Variants in CCDC7 observed in about 807,000 individuals in gnomAD.
CCDC7 encodes the protein coiled-coil domain-containing protein 7.
In CCDC7, 183 loss-of-function variants were observed where a neutral mutation model predicts 196.9. The observed-to-expected ratio is 0.93, with a 90% confidence interval of 0.82 to 1.05. CCDC7 has a LOEUF of 1.05. Among genes scored for constraint, CCDC7 ranks in the 50% least tolerant of loss-of-function variants. The probability of loss-of-function intolerance (pLI) is 0.00; values close to 1 mark genes in which losing one functional copy is unlikely to be tolerated. For synonymous variants in CCDC7, 525 were observed against 484.6 expected (o/e 1.08, Z -1.10); for missense variants, 1,540 against 1,482.2 (o/e 1.04, Z -0.64).
intron 21 of CCDC7, among the ~76,000 whole-genome samples, chr10:32,673,654 CGTGTGTGTGTGTGT>C (rs71027102): frequency 6.8e-6 from 1 of 147,948 alleles, no homozygotes; most frequent in East Asian, 2.0e-4. Context: ...CCATTGTGCA[CGTGTGTGTGTGTGT>C]GTGTGTGTGT....
chr10:32,529,620 T>C (rs1007210678), intron 11 of CCDC7, among the ~76,000 whole-genome samples: 3 of 152,200 alleles, frequency 2.0e-5, no homozygotes, highest in African/African-American at 7.2e-5. Context: ...GTGGGATTAC[T>C]TGTTTTGTTC....
intron 31 of CCDC7, among the ~76,000 whole-genome samples, chr10:32,819,387 A>C (rs563310947): frequency 6.6e-5 from 10 of 152,294 alleles, no homozygotes; most frequent in African/African-American, 2.4e-4. Context: ...CCCAGAGGTA[A>C]AAGGTGGAGC....
intron 18 of CCDC7, among the ~76,000 whole-genome samples, chr10:32,592,911 G>A (rs2059922138): frequency 6.6e-6 from 1 of 152,090 alleles, no homozygotes. Flanking sequence ...AGTATTCCGT[G>A]GTGTATATGT....
At chr10:32,870,982 C>T (rs9417088) in intron 41 of CCDC7, among the ~76,000 whole-genome samples, 52,164 of 152,024 alleles carry the variant, frequency 0.34, 11,335 homozygotes, top group Non-Finnish European at 0.49. Flanking sequence ...TGATGTGCTG[C>T]TGGATTCGGT....
intron 16 of CCDC7, among the ~76,000 whole-genome samples, chr10:32,576,405 G>T (rs1003546884): frequency 6.6e-6 from 1 of 152,016 alleles, no homozygotes; most frequent in Admixed American, 6.5e-5. Context: ...ATGGTAAGAG[G>T]GGCCCTTGCT....
chr10:32,751,326 T>C (rs1157664003), intron 28 of CCDC7, among the ~76,000 whole-genome samples: 1 of 152,056 alleles, frequency 6.6e-6, no homozygotes, highest in Non-Finnish European at 1.5e-5. Flanking sequence ...TTTCCAATTA[T>C]TGAGATCAAG....
intron 39 of CCDC7, among the ~76,000 whole-genome samples, chr10:32,850,290 G>A (rs1428380963): frequency 6.6e-6 from 1 of 152,196 alleles, no homozygotes; most frequent in Non-Finnish European, 1.5e-5. Flanking sequence ...GAAGCAGAGT[G>A]TAGAAGGGTG....
intron 13 of CCDC7, 128 bp from the exon 15 acceptor site, chr10:32,565,430 T>C (rs1004983850): frequency 2.2e-4 from 184 of 851,746 alleles, no homozygotes; most frequent in Non-Finnish European, 3.0e-4. Flanking sequence ...TTGAGAGATG[T>C]GCAGTTCAAT....
chr10:32,819,827 G>A (rs1428490211), intron 31 of CCDC7, among the ~76,000 whole-genome samples: 2 of 152,088 alleles, frequency 1.3e-5, no homozygotes, highest in Non-Finnish European at 2.9e-5. Context: ...AAAATAATAA[G>A]AGCTATCTAT....
At chr10:32,845,723 T>G in intron 35 of CCDC7, 97 bp downstream of exon 36, 1 of 1,209,530 alleles carries the variant, frequency 8.3e-7, no homozygotes, top group Non-Finnish European at 1.2e-6. Context: ...TACCTATATG[T>G]TGGTATTACA....
intron 19 of CCDC7, 43 bp downstream of exon 20, chr10:32,634,407 T>C (rs2065301250): frequency 2.2e-6 from 2 of 916,776 alleles, no homozygotes; most frequent in Admixed American, 8.7e-5. Context: ...ATTTTATTTT[T>C]ATTTTTTGAG....
At chr10:32,505,769 C>G (rs7922185) in intron 9 of CCDC7, among the ~76,000 whole-genome samples, 13,091 of 151,424 alleles carry the variant, frequency 0.086, 709 homozygotes, top group East Asian at 0.31. Flanking sequence ...GACGGGGCGG[C>G]CGGGCAGAGG....
At chr10:32,630,659 A>G (rs1236347613) in intron 18 of CCDC7, among the ~76,000 whole-genome samples, 1 of 152,204 alleles carries the variant, frequency 6.6e-6, no homozygotes, top group Non-Finnish European at 1.5e-5. Context: ...TGCACTATAA[A>G]TTGGCCTAGT....
chr10:32,588,503 G>T (rs1035929631), intron 18 of CCDC7, among the ~76,000 whole-genome samples: 1 of 151,988 alleles, frequency 6.6e-6, no homozygotes, highest in African/African-American at 2.4e-5. Flanking sequence ...TCTTTCCTGG[G>T]ATAAATCCTA....
intron 30 of CCDC7, among the ~76,000 whole-genome samples, chr10:32,807,363 G>A (rs1473134075): frequency 2.0e-5 from 3 of 152,032 alleles, no homozygotes; most frequent in Non-Finnish European, 4.4e-5. Context: ...GCACACAGGC[G>A]ATGGTTGAGA....
intron 9 of CCDC7, among the ~76,000 whole-genome samples, chr10:32,493,170 C>T (rs1316718682): frequency 5.9e-5 from 9 of 151,640 alleles, no homozygotes; most frequent in Non-Finnish European, 1.3e-4. Flanking sequence ...CCGCATTTTC[C>T]CCCAACCCCA....
At chr10:32,832,432 G>A (rs2092276290) in intron 32 of CCDC7, among the ~76,000 whole-genome samples, 2 of 152,018 alleles carry the variant, frequency 1.3e-5, no homozygotes. Context: ...GAACCCGGGA[G>A]GTGGAGTTTG....
At chr10:32,822,639 T>C (rs963417304) in intron 31 of CCDC7, among the ~76,000 whole-genome samples, 5 of 152,108 alleles carry the variant, frequency 3.3e-5, no homozygotes, top group Admixed American at 6.6e-5. Context: ...AAGGTATATA[T>C]AAAGGAGTAA....
intron 9 of CCDC7, chr10:32,513,355 C>T (rs2046519692): frequency 6.6e-6 from 1 of 152,010 alleles, no homozygotes; most frequent in Admixed American, 6.6e-5. Context: ...TAGTAATTAA[C>T]ATATTCCCAC....
Sources: gnomAD v4.1 joint callset for allele counts (sites outside exome capture counted in the v4.1 genomes callset) on GRCh38, gnomAD v4.1.1 for gene constraint, MANE v1.5 for transcripts, NCBI Gene and HGNC (gene_info 2026-07-23, HGNC 2026-07-21) for gene names.